MCUB: variants seen among roughly 807,000 people sequenced by gnomAD.
MCUB encodes calcium uniporter regulatory subunit MCUb, mitochondrial.
Under a neutral mutation model 41.4 loss-of-function variants are expected in MCUB, and 46 were observed. That is an observed-to-expected ratio of 1.11 (90% CI 0.88 to 1.42). The LOEUF is 1.42. MCUB is among the 40% of genes most tolerant of loss of function. The probability of loss-of-function intolerance (pLI) is 0.00; values close to 1 mark genes in which losing one functional copy is unlikely to be tolerated. For missense variants in MCUB, 403 were observed against 404.9 expected (o/e 1.00, Z 0.04); for synonymous variants, 148 against 148.2 (o/e 1.00, Z 0.01).
intron 1 of MCUB, among the ~76,000 whole-genome samples, chr4:109,610,412 A>G (rs115752869): frequency 0.029 from 4,427 of 152,212 alleles, 208 homozygotes; most frequent in African/African-American, 0.1. Flanking sequence ...CTCCTATTAT[A>G]TCTTTTAATT....
chr4:109,675,020 G>T (rs1452987257), intron 4 of MCUB, among the ~76,000 whole-genome samples: 1 of 152,070 alleles, frequency 6.6e-6, no homozygotes, highest in Non-Finnish European at 1.5e-5. Flanking sequence ...AAATTCTCTT[G>T]TCTCATCTGA....
intron 1 of MCUB, among the ~76,000 whole-genome samples, chr4:109,578,493 C>CTT (rs113130648): frequency 4.1e-5 from 6 of 145,248 alleles, no homozygotes; most frequent in South Asian, 2.2e-4. Flanking sequence ...GAATCTCATA[C>CTT]TTTTTTTTTT....
intron 1 of MCUB, among the ~76,000 whole-genome samples, chr4:109,602,049 T>A (rs747269780): frequency 9.2e-5 from 14 of 152,240 alleles, no homozygotes; most frequent in Admixed American, 4.6e-4. Context: ...TTTTGCCCAT[T>A]TTTTAATTTG....
chr4:109,575,167 A>G (rs1470109318), intron 1 of MCUB, among the ~76,000 whole-genome samples: 1 of 152,094 alleles, frequency 6.6e-6, no homozygotes, highest in Non-Finnish European at 1.5e-5. Flanking sequence ...GAAACCACTG[A>G]GGTTTGGAGA....
At chr4:109,628,280 C>T (rs976813825) in intron 1 of MCUB, among the ~76,000 whole-genome samples, 9 of 151,998 alleles carry the variant, frequency 5.9e-5, no homozygotes, top group Non-Finnish European at 1.3e-4. Context: ...AAGGCCAGTG[C>T]GCCTGGAGAG....
chr4:109,611,803 T>C (rs1340110109), intron 1 of MCUB, among the ~76,000 whole-genome samples: 1 of 152,138 alleles, frequency 6.6e-6, no homozygotes. Flanking sequence ...CCTGTGAAAA[T>C]GAAGCAGATG....
chr4:109,623,373 A>G lies in MCUB; in HGVS notation c.100-35638A>G, dbSNP rs779609726. ...AGTGAATGAATGTGTCGATGATCCT[A>G]TTATACACAAGTGTTTATGGCAAGT... On this transcript the variant is annotated intron_variant, in intron 1 of 7. Coordinates refer to ENST00000394650, the MANE Select transcript of MCUB (RefSeq NM_017918.5). Among the ~76,000 whole-genome samples the G allele has an allele frequency of 2.6e-5, 4 of 152,316 alleles. 1 individual carries two copies. Among genetic ancestry groups the G allele is most frequent in the South Asian group, 2.1e-4 (1 of 4,824 alleles).
At chr4:109,650,372 C>T (rs1422888760) in intron 1 of MCUB, among the ~76,000 whole-genome samples, 1 of 152,096 alleles carries the variant, frequency 6.6e-6, no homozygotes, top group Non-Finnish European at 1.5e-5. Context: ...CCATAGTTTC[C>T]TACTGGCATG....
intron 7 of MCUB, 58 bp downstream of exon 7, chr4:109,685,425 G>A (rs1005383921): frequency 4.5e-5 from 33 of 736,676 alleles, no homozygotes; most frequent in African/African-American, 3.5e-4. Flanking sequence ...TTAGTATCAG[G>A]GAAGTATAAC....
chr4:109,646,930 AT>A (rs774148330), intron 1 of MCUB, among the ~76,000 whole-genome samples: 1 of 152,252 alleles, frequency 6.6e-6, no homozygotes, highest in Non-Finnish European at 1.5e-5. Flanking sequence ...TATCAAAAAA[AT>A]AACTCAGCAT....
intron 1 of MCUB, among the ~76,000 whole-genome samples, chr4:109,649,638 T>A (rs963406151): frequency 2.0e-5 from 3 of 152,226 alleles, no homozygotes; most frequent in Admixed American, 6.5e-5. Context: ...TCTCTTTTTT[T>A]TTCAGGCATT....
At chr4:109,665,066 G>C (rs1729314911) in intron 4 of MCUB, among the ~76,000 whole-genome samples, 1 of 152,096 alleles carries the variant, frequency 6.6e-6, no homozygotes, top group African/African-American at 2.4e-5. Context: ...TCCCACACCA[G>C]ACTGGTATAT....
In MCUB at chr4:109,560,454, G is replaced by C; in HGVS notation, c.99+18G>C. On this transcript the variant is annotated intron_variant, in intron 1 of 7. Transcript: ENST00000394650. ...CGCCCCAGGTAAGAGCGGGTGCCGGGCTGTGGGGGTTCGGGGTAGGCTGGT... is the reference window on the plus strand; with the variant it reads ...CGCCCCAGGTAAGAGCGGGTGCCGGCCTGTGGGGGTTCGGGGTAGGCTGGT... The C allele has an allele frequency of 1.7e-6, 2 of 1,190,018 alleles. No homozygotes were observed. The highest frequency in any genetic ancestry group is 5.9e-5 in the South Asian group (2 of 34,096). 73.7% of individuals were successfully genotyped at this position (1,190,018 alleles called of 1,614,324 possible).
intron 1 of MCUB, among the ~76,000 whole-genome samples, chr4:109,579,928 C>A (rs11943263): frequency 0.19 from 28,704 of 152,028 alleles, 3,706 homozygotes; most frequent in African/African-American, 0.36. Flanking sequence ...TACATGTGCA[C>A]AACGTGCAGT....
chr4:109,573,543 G>T (rs1447956814), intron 1 of MCUB, among the ~76,000 whole-genome samples: 1 of 152,146 alleles, frequency 6.6e-6, no homozygotes, highest in Non-Finnish European at 1.5e-5. Context: ...AGAAAAGTAT[G>T]TATAGGATGA....
intron 1 of MCUB, among the ~76,000 whole-genome samples, chr4:109,583,325 AT>A (rs1358615385): frequency 5.3e-5 from 8 of 152,062 alleles, no homozygotes; most frequent in Admixed American, 4.6e-4. Context: ...CTTTGAAGCA[AT>A]TGTGAATGGG....
intron 4 of MCUB, among the ~76,000 whole-genome samples, chr4:109,665,830 T>C (rs769497641): frequency 1.3e-5 from 2 of 151,572 alleles, no homozygotes; most frequent in African/African-American, 4.9e-5. Flanking sequence ...TGGGGGCGCA[T>C]GGTAGTAGGG....
Sources: gnomAD v4.1 joint callset for allele counts (sites outside exome capture counted in the v4.1 genomes callset) on GRCh38, gnomAD v4.1.1 for gene constraint, MANE v1.5 for transcripts, NCBI Gene and HGNC (gene_info 2026-07-23, HGNC 2026-07-21) for gene names.